COL21A1: variants seen among roughly 807,000 people sequenced by gnomAD.
COL21A1 encodes collagen type XXI alpha 1 chain.
COL21A1 carries 149 observed loss-of-function variants against 137.9 expected under a neutral mutation model. The ratio of observed to expected loss-of-function variants is 1.08; its 90% CI spans 0.95 to 1.24. The LOEUF is 1.24. Among genes scored for constraint, COL21A1 ranks in the 50% most tolerant of loss-of-function variants. The probability of loss-of-function intolerance (pLI) is 0.00; values close to 1 mark genes in which losing one functional copy is unlikely to be tolerated. For synonymous variants in COL21A1, 456 were observed against 391.5 expected, an observed-to-expected ratio of 1.16 and a Z score of -1.95; for missense variants, 1,167 against 1,158.4, an observed-to-expected ratio of 1.01 and a Z score of -0.11.
In COL21A1 at chr6:56,147,365, C is replaced by CTT. The variant is rs542984888; in HGVS notation, c.1435-5384_1435-5383dup. Among the ~76,000 whole-genome samples, 15 of 144,350 alleles carry CTT rather than the reference C, an allele frequency of 1.0e-4. 1 individual carries two copies. In the South Asian group the frequency reaches 3.1e-3, roughly 29 times the overall value. 94.7% of individuals were successfully genotyped at this position (144,350 alleles called of 152,430 possible). ...GACAAGGTTGGGGGGTTGTTTTTTG[C>CTT]TTTTTTTTTTTCTGTTTTGTTCATT... is the stretch of plus-strand genomic sequence containing the variant. On this transcript the variant is annotated intron_variant, in intron 10 of 29. Transcript: ENST00000244728.
At chr6:56,257,871 A>G (rs1204293530) in intron 1 of COL21A1, among the ~76,000 whole-genome samples, 2 of 152,164 alleles carry the variant, frequency 1.3e-5, no homozygotes, top group Non-Finnish European at 2.9e-5. Context: ...CAACCCTTGC[A>G]TTAAATTATA....
intron 16 of COL21A1, among the ~76,000 whole-genome samples, chr6:56,118,885 T>G (rs940658548): frequency 4.6e-5 from 7 of 152,086 alleles, no homozygotes; most frequent in African/African-American, 1.7e-4. Flanking sequence ...TATCTCTTCA[T>G]GATAAAAACC....
intron 1 of COL21A1, chr6:56,276,635 A>G (rs1763663090): frequency 1.4e-6 from 2 of 1,438,542 alleles, no homozygotes. Context: ...CTCAAAATCA[A>G]TTTCTGGAAA....
Position 56,060,807 on chromosome 6 carries a change from T to G in COL21A1, c.2353-12A>C, listed in dbSNP as rs753377794. Reference sequence around the variant, plus strand: ...GAAAACTCTCTTCCCTGCATCAAAGTGTTAGGGGTTATAACATGCACATAA... The same window carrying G: ...GAAAACTCTCTTCCCTGCATCAAAGGGTTAGGGGTTATAACATGCACATAA... On this transcript the variant is annotated splice_polypyrimidine_tract_variant and intron_variant, in intron 26 of 29. Coordinates refer to ENST00000244728, the MANE Select transcript of COL21A1 (RefSeq NM_030820.4). 8.1e-6 allele frequency: 13 copies of G among 1,603,014 alleles called. No homozygotes were observed. The East Asian group carries it at 2.9e-4, about 36-fold the overall frequency.
rs752190950 is a variant in COL21A1, at chr6:56,141,967, G to A, written c.1451C>T (p.Ala484Val). Reference sequence around the variant, plus strand: ...AGATCCTGGAACACCTGGTGTCCCTGCAATTCCCTGATATCCCTAAAGAAA... The same window carrying A: ...AGATCCTGGAACACCTGGTGTCCCTACAATTCCCTGATATCCCTAAAGAAA... ...QDGKPGYQGI[A>V]GTPGVPGSPG... is the part of the protein sequence containing the mutation. Residue 484 changes from alanine to valine, a missense_variant, in exon 11 of 30, where the codon GCA (alanine) becomes GTA (valine). Ala to Val is a moderately conservative substitution (Grantham distance 64, BLOSUM62 0). Coordinates refer to ENST00000244728, the MANE Select transcript of COL21A1 (RefSeq NM_030820.4). 2 of 1,535,754 alleles carry A rather than the reference G, an allele frequency of 1.3e-6. No individual in the cohort carries two copies. Among genetic ancestry groups the A allele is most frequent in the South Asian group, 2.4e-5 (2 of 81,922 alleles).
At chr6:56,348,954 G>A (rs1485717933) in intron 1 of COL21A1, among the ~76,000 whole-genome samples, 1 of 152,192 alleles carries the variant, frequency 6.6e-6, no homozygotes, top group Non-Finnish European at 1.5e-5. Flanking sequence ...AAAATTCAAT[G>A]TGAAAGTTTA....
chr6:56,340,922 G>T (rs1765454349), intron 1 of COL21A1, among the ~76,000 whole-genome samples: 1 of 152,290 alleles, frequency 6.6e-6, no homozygotes, highest in South Asian at 2.1e-4. Flanking sequence ...AGACCCCTTT[G>T]TTGATTGAAC....
chr6:56,150,178 A>C (rs1775180942), intron 10 of COL21A1, among the ~76,000 whole-genome samples: 1 of 152,288 alleles, frequency 6.6e-6, no homozygotes, highest in Admixed American at 6.5e-5. Context: ...GCTCCATAGA[A>C]GGCTGCCCCT....
intron 3 of COL21A1, among the ~76,000 whole-genome samples, chr6:56,173,333 A>C (rs9357892): frequency 0.64 from 96,331 of 151,222 alleles, 31,009 homozygotes; most frequent in East Asian, 0.86. Flanking sequence ...AGCTATGATC[A>C]TGCCACTGCA....
chr6:56,257,084 CA>C (rs1476145364), intron 1 of COL21A1, among the ~76,000 whole-genome samples: 4 of 152,098 alleles, frequency 2.6e-5, no homozygotes, highest in Admixed American at 2.6e-4. Flanking sequence ...GGTCTCACAA[CA>C]GGATGTGTCA....
intron 17 of COL21A1, among the ~76,000 whole-genome samples, chr6:56,079,409 A>G (rs1043434511): frequency 6.6e-5 from 10 of 151,708 alleles, no homozygotes; most frequent in Non-Finnish European, 1.2e-4. Flanking sequence ...GCCCTTACAC[A>G]GTCTGTGATG....
chr6:56,120,060 T>C lies in COL21A1; in HGVS notation c.1758+4002A>G, dbSNP rs558711058. Among the ~76,000 whole-genome samples, 76 of 152,222 alleles carry C rather than the reference T, an allele frequency of 5.0e-4. 1 individual carries two copies. The South Asian group carries it at 0.015, about 31-fold the overall frequency. ...AACCCAAGTAAACATGGACAAATCA[T>C]GTTGAAAAGCTTCTGCACAGAAAAG... On this transcript the variant is annotated intron_variant, in intron 16 of 29. Transcript: ENST00000244728.
intron 1 of COL21A1, among the ~76,000 whole-genome samples, chr6:56,208,757 C>T (rs1424193789): frequency 6.6e-6 from 1 of 152,142 alleles, no homozygotes; most frequent in Admixed American, 6.6e-5. Flanking sequence ...AGGCATGATG[C>T]TACCTGACTT....
At chr6:56,168,875 C>T (rs1776806484) in intron 5 of COL21A1, among the ~76,000 whole-genome samples, 1 of 151,914 alleles carries the variant, frequency 6.6e-6, no homozygotes, top group African/African-American at 2.4e-5. Context: ...TAATAACTAC[C>T]ATGTCTACAC....
At chr6:56,346,364 T>G (rs1765597927) in intron 1 of COL21A1, among the ~76,000 whole-genome samples, 1 of 152,266 alleles carries the variant, frequency 6.6e-6, no homozygotes, top group Admixed American at 6.5e-5. Flanking sequence ...TGGGTCTAGC[T>G]GCTTTTGTTC....
intron 16 of COL21A1, among the ~76,000 whole-genome samples, chr6:56,107,509 A>G (rs1771057847): frequency 6.6e-6 from 1 of 152,152 alleles, no homozygotes; most frequent in South Asian, 2.1e-4. Context: ...ATGCTATTAG[A>G]CTTTAAATGC....
At chr6:56,311,790 A>C (rs990621112) in intron 1 of COL21A1, among the ~76,000 whole-genome samples, 1 of 152,198 alleles carries the variant, frequency 6.6e-6, no homozygotes, top group Non-Finnish European at 1.5e-5. Flanking sequence ...TGAGGAAGGC[A>C]GATATACATG....
At position 56,082,168 on chromosome 6, in the gene COL21A1, G is replaced by A. The variant is rs1472108366; in HGVS notation, c.1813-4595C>T. Among the ~76,000 whole-genome samples, 4 of 151,890 alleles carry A rather than the reference G, an allele frequency of 2.6e-5. No individual in the cohort carries two copies. In the South Asian group the frequency reaches 6.2e-4, roughly 24 times the overall value. On this transcript the variant is annotated intron_variant, in intron 17 of 29. Coordinates refer to ENST00000244728, the MANE Select transcript of COL21A1 (RefSeq NM_030820.4). ...CAAACCCGAAAACTCAGACAAGGAC[G>A]AAGACTATCTGGAGAGGAAGGGAAA... is the stretch of plus-strand genomic sequence containing the variant.
intron 1 of COL21A1, among the ~76,000 whole-genome samples, chr6:56,332,571 C>T (rs1432871576): frequency 2.7e-5 from 4 of 147,502 alleles, no homozygotes; most frequent in African/African-American, 1.1e-4. Context: ...TAATACATGT[C>T]ACCAAATAGC....
Sources: gnomAD v4.1 joint callset for allele counts (sites outside exome capture counted in the v4.1 genomes callset) on GRCh38, gnomAD v4.1.1 for gene constraint, MANE v1.5 for transcripts, NCBI Gene and HGNC (gene_info 2026-07-23, HGNC 2026-07-21) for gene names.